Variants in TCF12 observed in about 807,000 individuals in gnomAD.
TCF12 encodes DNA-binding protein HTF4.
A neutral mutation model predicts 86.0 loss-of-function variants in TCF12; 45 were observed. That is an observed-to-expected ratio of 0.52 (90% CI 0.41 to 0.67). The LOEUF is 0.67. Ranked by LOEUF, TCF12 falls within the 30% of genes least tolerant of loss-of-function variation. TCF12 has a pLI of 0.00. For missense variants in TCF12, 881 were observed against 859.9 expected (o/e 1.02, Z -0.31); for synonymous variants, 330 against 299.6 (o/e 1.10, Z -1.05).
At chr15:57,151,307 A>G (rs1282556707) in intron 5 of TCF12, among the ~76,000 whole-genome samples, 6 of 152,030 alleles carry the variant, frequency 3.9e-5, no homozygotes. Flanking sequence ...TAGAGAGAAG[A>G]AAAATACAGT....
At chr15:57,181,288 C>G (rs1387884146) in intron 6 of TCF12, among the ~76,000 whole-genome samples, 5 of 151,962 alleles carry the variant, frequency 3.3e-5, no homozygotes, top group African/African-American at 9.7e-5. Context: ...TTTGGTCTCA[C>G]TGTGTTCCCC....
At chr15:57,269,751 G>A (rs1233780025) in intron 18 of TCF12, among the ~76,000 whole-genome samples, 4 of 152,144 alleles carry the variant, frequency 2.6e-5, no homozygotes, top group African/African-American at 9.7e-5. Context: ...GGCAGGCCTA[G>A]TGGTGACGAA....
intron 6 of TCF12, among the ~76,000 whole-genome samples, chr15:57,188,796 A>G (rs1171160008): frequency 6.6e-6 from 1 of 152,170 alleles, no homozygotes; most frequent in African/African-American, 2.4e-5. Context: ...TATAATAATT[A>G]TCATTATTTT....
chr15:57,070,401 A>G (rs1015781855), intron 4 of TCF12, among the ~76,000 whole-genome samples: 1 of 152,232 alleles, frequency 6.6e-6, no homozygotes, highest in Non-Finnish European at 1.5e-5. Flanking sequence ...ATGTGGGTAC[A>G]AGGATTTAAG....
At chr15:57,059,985 A>G (rs531461801) in intron 3 of TCF12, among the ~76,000 whole-genome samples, 4 of 152,170 alleles carry the variant, frequency 2.6e-5, no homozygotes, top group African/African-American at 7.2e-5. Context: ...GGAGTAGAGC[A>G]TAAGAAGGTA....
chr15:57,257,779 A>G (rs1177964646), intron 16 of TCF12, among the ~76,000 whole-genome samples: 1 of 151,984 alleles, frequency 6.6e-6, no homozygotes, highest in Non-Finnish European at 1.5e-5. Context: ...TGTAAGGTCT[A>G]CACGGACACA....
chr15:57,001,162 A>G (rs1263898030), intron 3 of TCF12, among the ~76,000 whole-genome samples: 1 of 151,926 alleles, frequency 6.6e-6, no homozygotes, highest in African/African-American at 2.4e-5. Flanking sequence ...GATTACAGGC[A>G]TGTGCCACCA....
intron 8 of TCF12, among the ~76,000 whole-genome samples, chr15:57,219,881 A>G (rs897544048): frequency 2.6e-5 from 4 of 151,756 alleles, no homozygotes; most frequent in Admixed American, 1.3e-4. Context: ...ACCCGCCACC[A>G]TGCCCAGCTA....
chr15:57,010,005 T>A (rs929847048), intron 3 of TCF12, among the ~76,000 whole-genome samples: 8 of 152,172 alleles, frequency 5.3e-5, no homozygotes, highest in African/African-American at 1.9e-4. Context: ...GAAGTCAGGT[T>A]TACAGGTAGT....
chr15:56,981,975 G>A (rs1053842278), intron 3 of TCF12, among the ~76,000 whole-genome samples: 4 of 152,154 alleles, frequency 2.6e-5, no homozygotes, highest in African/African-American at 9.7e-5. Context: ...GGCAGGATAG[G>A]CAGGTACACT....
intron 8 of TCF12, among the ~76,000 whole-genome samples, chr15:57,207,767 A>G (rs1210922358): frequency 6.6e-6 from 1 of 152,216 alleles, no homozygotes; most frequent in Non-Finnish European, 1.5e-5. Context: ...TGTCAAACTC[A>G]TCATTATTTG....
intron 3 of TCF12, among the ~76,000 whole-genome samples, chr15:56,930,277 G>A (rs887995105): frequency 5.9e-5 from 9 of 152,202 alleles, no homozygotes; most frequent in Non-Finnish European, 1.3e-4. Context: ...TGGTTGGTTT[G>A]TACCTTTGGA....
intron 8 of TCF12, among the ~76,000 whole-genome samples, chr15:57,222,422 A>C (rs995698076): frequency 4.6e-5 from 7 of 151,982 alleles, no homozygotes; most frequent in African/African-American, 1.7e-4. Context: ...AAAGCCAAAA[A>C]TGTTAATGCA....
chr15:57,234,240 T>G, intron 12 of TCF12, 133 bp downstream of exon 12: 1 of 731,122 alleles, frequency 1.4e-6, no homozygotes, highest in Non-Finnish European at 2.4e-6. Flanking sequence ...TTAGAGTTAT[T>G]CTCGGTTTGT....
At chr15:57,164,275 T>A (rs1330077263) in intron 5 of TCF12, among the ~76,000 whole-genome samples, 3 of 152,140 alleles carry the variant, frequency 2.0e-5, no homozygotes, top group African/African-American at 7.2e-5. Flanking sequence ...GAACTGTGGG[T>A]GTATTAGTTC....
At chr15:56,968,444 C>G (rs1420926549) in intron 3 of TCF12, among the ~76,000 whole-genome samples, 3 of 150,712 alleles carry the variant, frequency 2.0e-5, no homozygotes, top group African/African-American at 7.3e-5. Flanking sequence ...ACAGTAATAG[C>G]TACTGCAGCC....
intron 3 of TCF12, among the ~76,000 whole-genome samples, chr15:56,937,253 C>T (rs968800253): frequency 7.9e-5 from 12 of 151,808 alleles, no homozygotes; most frequent in African/African-American, 2.2e-4. Flanking sequence ...AGGTTGAGTT[C>T]TTGATTTGAT....
chr15:57,033,709 T>C (rs1489387633), intron 3 of TCF12, among the ~76,000 whole-genome samples: 1 of 152,186 alleles, frequency 6.6e-6, no homozygotes, highest in Non-Finnish European at 1.5e-5. Context: ...TTTTATGATA[T>C]ATTAGTAAAA....
chr15:57,208,160 G>A (rs1361477005), intron 8 of TCF12, among the ~76,000 whole-genome samples: 3 of 151,048 alleles, frequency 2.0e-5, no homozygotes, highest in African/African-American at 7.3e-5. Context: ...AGCCTCCTGA[G>A]TAGCTGGGAT....
Sources: allele counts gnomAD v4.1 joint callset (sites outside exome capture counted in the v4.1 genomes callset), GRCh38; gene constraint gnomAD v4.1.1; transcripts MANE v1.5; gene names NCBI Gene and HGNC (gene_info 2026-07-23, HGNC 2026-07-21).